The following ANKS1A variants were observed in gnomAD, a reference collection of about 807,000 sequenced individuals.
The protein encoded by ANKS1A is ankyrin repeat and sterile alpha motif domain containing 1A.
ANKS1A carries 55 observed loss-of-function variants against 120.3 expected under a neutral mutation model. The ratio of observed to expected loss-of-function variants is 0.46; its 90% CI spans 0.37 to 0.57. The LOEUF is 0.57. Among genes scored for constraint, ANKS1A ranks in the 20% least tolerant of loss-of-function variants. ANKS1A has a pLI of 0.00. For missense variants in ANKS1A, 1,123 were observed against 1,480.3 expected (o/e 0.76, Z 3.96); for synonymous variants, 590 against 604.7 (o/e 0.98, Z 0.36).
At chr6:35,068,868 G>A (rs1464253271) in intron 13 of ANKS1A, among the ~76,000 whole-genome samples, 1 of 152,222 alleles carries the variant, frequency 6.6e-6, no homozygotes, top group African/African-American at 2.4e-5. Context: ...AAAGGAGGGT[G>A]GAGGGGGCTG....
chr6:35,047,219 T>C (rs1244950534), intron 11 of ANKS1A, among the ~76,000 whole-genome samples: 1 of 152,188 alleles, frequency 6.6e-6, no homozygotes, highest in African/African-American at 2.4e-5. Flanking sequence ...CTTAAGTATA[T>C]ATAATTTGGT....
chr6:35,077,663 G>A (rs867160735), intron 13 of ANKS1A, among the ~76,000 whole-genome samples: 2 of 152,160 alleles, frequency 1.3e-5, no homozygotes, highest in East Asian at 1.9e-4. Flanking sequence ...AATTAGAGAC[G>A]TCCTCGCAGG....
chr6:34,920,603 G>T (rs1445763676), intron 1 of ANKS1A, among the ~76,000 whole-genome samples: 2 of 152,112 alleles, frequency 1.3e-5, no homozygotes, highest in Admixed American at 1.3e-4. Flanking sequence ...TTTGTGTGAG[G>T]CATTAAGTAG....
intron 8 of ANKS1A, among the ~76,000 whole-genome samples, chr6:34,988,960 T>G (rs1772362361): frequency 6.6e-6 from 1 of 152,194 alleles, no homozygotes; most frequent in African/African-American, 2.4e-5. Flanking sequence ...TTCTCAGTAC[T>G]GGCATTTCTC....
intron 12 of ANKS1A, among the ~76,000 whole-genome samples, chr6:35,054,782 T>A (rs1212093520): frequency 6.6e-6 from 1 of 152,228 alleles, no homozygotes; most frequent in African/African-American, 2.4e-5. Flanking sequence ...GGGGAGGCCA[T>A]CTGAGCTGTT....
At chr6:35,002,495 G>A (rs1334191235) in intron 10 of ANKS1A, among the ~76,000 whole-genome samples, 2 of 152,166 alleles carry the variant, frequency 1.3e-5, no homozygotes, top group African/African-American at 4.8e-5. Context: ...TATACATCAA[G>A]TCACTGAGGT....
chr6:35,080,741 G>A lies in ANKS1A; in HGVS notation c.2545-253G>A, dbSNP rs1302679919. Among the ~76,000 whole-genome samples the A allele has an allele frequency of 3.3e-5, 5 of 152,254 alleles. No homozygotes were observed. In the East Asian group the frequency reaches 7.7e-4, roughly 24 times the overall value. On this transcript the variant is annotated intron_variant, in intron 16 of 23. Coordinates refer to ENST00000360359, the MANE Select transcript of ANKS1A (RefSeq NM_015245.3). ...TTTGTTTGGTCATGTGCAGAGGCCT[G>A]CAATGGATCAGGACAGAAGATTTAA...
At chr6:34,946,542 T>G (rs1024303085) in intron 1 of ANKS1A, among the ~76,000 whole-genome samples, 2 of 151,896 alleles carry the variant, frequency 1.3e-5, no homozygotes, top group African/African-American at 2.4e-5. Context: ...GAGCCGAGAT[T>G]GTGCTACTGC....
intron 1 of ANKS1A, among the ~76,000 whole-genome samples, chr6:34,940,988 T>TA (rs1008336496): frequency 1.3e-5 from 2 of 151,742 alleles, no homozygotes; most frequent in South Asian, 2.1e-4. Context: ...TTTCTACCTC[T>TA]AAAAAAAATT....
At chr6:34,970,884 C>T (rs1444477886) in intron 3 of ANKS1A, among the ~76,000 whole-genome samples, 2 of 152,072 alleles carry the variant, frequency 1.3e-5, no homozygotes, top group Non-Finnish European at 2.9e-5. Context: ...TGGCACACAC[C>T]TGTAGTCCCA....
Position 35,083,145 on chromosome 6 carries a change from G to GC in ANKS1A, c.2836-5dup. The GC allele has an allele frequency of 6.2e-7, 1 of 1,613,538 alleles. No individual in the cohort carries two copies. The highest frequency in any genetic ancestry group is 8.5e-7 in the Non-Finnish European group (1 of 1,179,602). On this transcript the variant is annotated splice_polypyrimidine_tract_variant and intron_variant, in intron 18 of 23. Transcript: ENST00000360359. ...GATTTCCTAAGCCTGGCCACTGCTC[G>GC]CCCCCACAGTATCTGGGCTCCATGC...
Position 35,090,109 on chromosome 6 carries a change from G to T in ANKS1A, c.*1500G>T. On this transcript the variant is annotated 3_prime_UTR_variant, in exon 24 of 24. Transcript: ENST00000360359. ...TGGGTTTCTATCTGCTAAGCACCCA[G>T]CAGGTTGGGGCCTGGGACTCAGCTC... The T allele has an allele frequency of 7.8e-7, 1 of 1,289,178 alleles. No individual in the cohort carries two copies. Among genetic ancestry groups the T allele is most frequent in the Non-Finnish European group, 1.0e-6 (1 of 988,688 alleles). 79.9% of individuals were successfully genotyped at this position (1,289,178 alleles called of 1,614,324 possible). A position where few individuals can be genotyped will look rare whatever the true frequency, so the allele number is the denominator to read the frequency against.
At chr6:35,052,202 C>G (rs1027794072) in intron 11 of ANKS1A, among the ~76,000 whole-genome samples, 2 of 152,172 alleles carry the variant, frequency 1.3e-5, no homozygotes, top group African/African-American at 4.8e-5. Flanking sequence ...GATCCTAGCA[C>G]TCTGGGAGGC....
intron 13 of ANKS1A, among the ~76,000 whole-genome samples, chr6:35,067,430 G>A (rs946237446): frequency 1.4e-4 from 21 of 152,310 alleles, no homozygotes; most frequent in Admixed American, 5.2e-4. Context: ...TGAGTAACAT[G>A]TTCTGGGGAC....
intron 3 of ANKS1A, among the ~76,000 whole-genome samples, chr6:34,980,594 T>C (rs1771855906): frequency 6.6e-6 from 1 of 152,226 alleles, no homozygotes; most frequent in South Asian, 2.1e-4. Flanking sequence ...GTGCACAATA[T>C]TGACTTAACT....
intron 1 of ANKS1A, among the ~76,000 whole-genome samples, chr6:34,956,003 T>A (rs1770342467): frequency 6.6e-6 from 1 of 152,072 alleles, no homozygotes; most frequent in South Asian, 2.1e-4. Flanking sequence ...CAGGATGGAC[T>A]CATAAGCGGA....
intron 10 of ANKS1A, among the ~76,000 whole-genome samples, chr6:34,997,665 T>C (rs1003598778): frequency 3.3e-5 from 5 of 152,236 alleles, no homozygotes; most frequent in African/African-American, 1.2e-4. Context: ...ATTTTTAGCA[T>C]CATGGAGGAG....
chr6:34,913,214 C>A (rs1279930456), intron 1 of ANKS1A, among the ~76,000 whole-genome samples: 1 of 152,188 alleles, frequency 6.6e-6, no homozygotes, highest in Non-Finnish European at 1.5e-5. Context: ...AATAACTAGT[C>A]ACAGAGAAAT....
At chr6:34,905,786 CT>C (rs1767619691) in intron 1 of ANKS1A, among the ~76,000 whole-genome samples, 1 of 152,120 alleles carries the variant, frequency 6.6e-6, no homozygotes, top group Admixed American at 6.6e-5. Flanking sequence ...GTGTAACTAC[CT>C]GAACGAAATC....
Sources: allele counts gnomAD v4.1 joint callset (sites outside exome capture counted in the v4.1 genomes callset), GRCh38; gene constraint gnomAD v4.1.1; transcripts MANE v1.5; gene names NCBI Gene and HGNC (gene_info 2026-07-23, HGNC 2026-07-21).